The following RNF130 variants were observed in gnomAD, a reference collection of about 807,000 sequenced individuals.
RNF130 encodes E3 ubiquitin-protein ligase RNF130.
A neutral mutation model predicts 44.6 loss-of-function variants in RNF130; 21 were observed. The ratio of observed to expected loss-of-function variants is 0.47; its 90% confidence interval spans 0.33 to 0.68. RNF130 has a LOEUF of 0.68. Among genes scored for constraint, RNF130 ranks in the 30% least tolerant of loss-of-function variants. The pLI, the probability that RNF130 is intolerant of heterozygous loss-of-function variation, is 0.02. For synonymous variants in RNF130, 214 were observed against 210.4 expected (o/e 1.02, Z -0.15); for missense variants, 479 against 560.6 (o/e 0.85, Z 1.47).
At chr5:180,035,716 G>A (rs919988554) in intron 2 of RNF130, among the ~76,000 whole-genome samples, 1 of 152,178 alleles carries the variant, frequency 6.6e-6, no homozygotes, top group Non-Finnish European at 1.5e-5. Context: ...TGTCCCACAG[G>A]CATCTGAGGC....
chr5:180,069,218 G>C (rs1477610369), intron 1 of RNF130, among the ~76,000 whole-genome samples: 1 of 152,184 alleles, frequency 6.6e-6, no homozygotes, highest in Non-Finnish European at 1.5e-5. Context: ...GATCCCAGCA[G>C]AAGCTATGCT....
At chr5:180,015,885 G>C (rs757130617) in intron 2 of RNF130, among the ~76,000 whole-genome samples, 5 of 152,194 alleles carry the variant, frequency 3.3e-5, no homozygotes, top group Admixed American at 6.5e-5. Flanking sequence ...GAAAAGAAGT[G>C]TGTAATTATT....
At chr5:179,952,004 T>G (rs182582577), downstream of RNF130, among the ~76,000 whole-genome samples, 12 of 151,906 alleles carry the variant, frequency 7.9e-5, no homozygotes, top group Admixed American at 5.2e-4. Flanking sequence ...ACAAAAAAAC[T>G]AAACCTAAAC....
chr5:179,967,119 T>A (rs1762469174), intron 6 of RNF130, 109 bp from the exon 7 acceptor site: 1 of 949,884 alleles, frequency 1.1e-6, no homozygotes, highest in South Asian at 1.6e-5. Flanking sequence ...CCTTACCAGG[T>A]TCTTTTCCTG....
downstream of RNF130, among the ~76,000 whole-genome samples, chr5:179,950,082 G>T (rs191842726): frequency 2.0e-4 from 30 of 152,170 alleles, 1 homozygote; most frequent in East Asian, 5.4e-3. Context: ...CATTATTTAA[G>T]GTTGACAGTT....
At chr5:179,940,794 C>G (rs1761960791) in intron 7 of RNF130, among the ~76,000 whole-genome samples, 1 of 151,914 alleles carries the variant, frequency 6.6e-6, no homozygotes, top group Admixed American at 6.6e-5. Context: ...AATACTGCTT[C>G]TGCCCCATTC....
At chr5:179,992,147 TG>T (rs760314441) in intron 3 of RNF130, among the ~76,000 whole-genome samples, 3 of 152,184 alleles carry the variant, frequency 2.0e-5, no homozygotes, top group Non-Finnish European at 4.4e-5. Flanking sequence ...CATTGTTTTT[TG>T]CTTTTTGTTT....
At chr5:179,986,729 CT>C (rs1307526245) in intron 3 of RNF130, among the ~76,000 whole-genome samples, 1 of 152,138 alleles carries the variant, frequency 6.6e-6, no homozygotes, top group Admixed American at 6.5e-5. Flanking sequence ...TAATTTTTAA[CT>C]TTTTACAATG....
intron 3 of RNF130, among the ~76,000 whole-genome samples, chr5:179,985,150 TAAC>T (rs1385434007): frequency 3.5e-4 from 39 of 111,280 alleles, no homozygotes; most frequent in Admixed American, 7.4e-4. Context: ...CTTTACCCCC[TAAC>T]TTTTTTTTTT....
chr5:180,055,290 A>AAAAAAAAAAAC (rs1561709682), intron 1 of RNF130, among the ~76,000 whole-genome samples: 1 of 100,058 alleles, frequency 1.0e-5, no homozygotes, highest in Non-Finnish European at 2.2e-5. Context: ...ACAAAAAAAA[A>AAAAAAAAAAAC]CAGCAAACAA....
intron 2 of RNF130, among the ~76,000 whole-genome samples, chr5:180,030,256 G>A (rs1764099777): frequency 6.6e-6 from 1 of 152,044 alleles, no homozygotes; most frequent in Admixed American, 6.6e-5. Flanking sequence ...TACTTGCTTT[G>A]TCTCTCCAAG....
At chr5:180,028,486 G>C (rs542593415) in intron 2 of RNF130, among the ~76,000 whole-genome samples, 1 of 151,988 alleles carries the variant, frequency 6.6e-6, no homozygotes, top group East Asian at 1.9e-4. Flanking sequence ...CTTTCTGGTC[G>C]AATCCTAAGT....
intron 1 of RNF130, among the ~76,000 whole-genome samples, chr5:180,041,809 C>T (rs1446464692): frequency 6.6e-6 from 1 of 152,178 alleles, no homozygotes; most frequent in Non-Finnish European, 1.5e-5. Context: ...GGTGTGGTGG[C>T]TCACGCCTGT....
At chr5:180,046,233 C>G (rs1478194401) in intron 1 of RNF130, among the ~76,000 whole-genome samples, 1 of 152,204 alleles carries the variant, frequency 6.6e-6, no homozygotes, top group Non-Finnish European at 1.5e-5. Context: ...CCGCCAAGCT[C>G]ACACCCACGC....
At chr5:179,924,763 T>C (rs1055523987) in intron 7 of RNF130, among the ~76,000 whole-genome samples, 1 of 152,172 alleles carries the variant, frequency 6.6e-6, no homozygotes, top group Non-Finnish European at 1.5e-5. Flanking sequence ...CACTCCACCC[T>C]GGGTGACAGA....
chr5:180,008,424 G>A (rs1443085526), intron 3 of RNF130, among the ~76,000 whole-genome samples: 3 of 152,098 alleles, frequency 2.0e-5, no homozygotes, highest in Non-Finnish European at 4.4e-5. Flanking sequence ...CAGAGAACAT[G>A]CCACCCAACA....
intron 5 of RNF130, among the ~76,000 whole-genome samples, chr5:179,975,689 GC>G (rs1473167296): frequency 6.6e-6 from 1 of 152,138 alleles, no homozygotes; most frequent in Admixed American, 6.5e-5. Context: ...TCTACACTCA[GC>G]CAGGGCAGTA....
At chr5:179,918,738 T>C (rs1411765150) in exon 8 of RNF130, 1 of 152,160 alleles carries the variant, frequency 6.6e-6, no homozygotes, top group Non-Finnish European at 1.5e-5. Flanking sequence ...TGCTAAGACC[T>C]TTAAAATCTG....
intron 2 of RNF130, among the ~76,000 whole-genome samples, chr5:180,017,606 T>C (rs1224169884): frequency 6.6e-6 from 1 of 152,226 alleles, no homozygotes; most frequent in Admixed American, 6.5e-5. Context: ...AACAACACTT[T>C]CTACTTATCT....
Sources: gnomAD v4.1 joint callset for allele counts (sites outside exome capture counted in the v4.1 genomes callset) on GRCh38, gnomAD v4.1.1 for gene constraint, MANE v1.5 for transcripts, NCBI Gene and HGNC (gene_info 2026-07-23, HGNC 2026-07-21) for gene names.